The following TMEM183A variants were observed in gnomAD, a reference collection of about 807,000 sequenced individuals.
The protein encoded by TMEM183A is chromosome 1 open reading frame 37.
Under a neutral mutation model 46.7 loss-of-function variants are expected in TMEM183A, and 21 were observed. That is an observed-to-expected ratio of 0.45 (90% CI 0.32 to 0.65). The LOEUF (loss-of-function observed/expected upper bound fraction) is 0.65. TMEM183A is among the 30% of genes least tolerant of loss of function. The pLI, the probability that TMEM183A is intolerant of heterozygous loss-of-function variation, is 0.04. For synonymous variants in TMEM183A, 165 were observed against 180.2 expected (o/e 0.92, Z 0.68); for missense variants, 331 against 481.9 (o/e 0.69, Z 2.93).
intron 7 of TMEM183A, 115 bp from the exon 8 acceptor site, chr1:203,022,740 A>G: frequency 8.3e-7 from 1 of 1,208,434 alleles, no homozygotes; most frequent in Non-Finnish European, 1.2e-6. Flanking sequence ...TATAATTTAG[A>G]GATTAATCTT....
At chr1:203,007,639 G>C (rs949758615) in intron 1 of TMEM183A, 65 bp downstream of exon 1, 2 of 1,527,870 alleles carry the variant, frequency 1.3e-6, no homozygotes, top group Non-Finnish European at 1.8e-6. Context: ...GGGCTGGACC[G>C]TGCCGAGGTG....
Position 203,016,144 on chromosome 1 carries a change from A to T in TMEM183A, c.708+4A>T. ...CAGCACATTAAAGAATTCCAAAGTA[A>T]GTGAGAATTTGTGTTGGGGTTTGAC... On this transcript the variant is annotated splice_donor_region_variant and intron_variant, in intron 5 of 7. Transcript: ENST00000367242. 6.2e-7 allele frequency: 1 copy of T among 1,614,160 alleles called. No homozygotes were observed.
intron 3 of TMEM183A, among the ~76,000 whole-genome samples, chr1:203,010,136 C>T (rs1416507192): frequency 9.3e-6 from 1 of 107,332 alleles, no homozygotes; most frequent in African/African-American, 3.7e-5. Context: ...AAGACTCTGT[C>T]TCAAAAAAAA....
chr1:203,012,502 A>G (rs189729141), intron 3 of TMEM183A, among the ~76,000 whole-genome samples: 1 of 152,194 alleles, frequency 6.6e-6, no homozygotes, highest in Admixed American at 6.5e-5. Context: ...CTCTTAACCT[A>G]TGCCTATCAA....
intron 6 of TMEM183A, 104 bp from the exon 7 acceptor site, chr1:203,020,689 G>GT: frequency 7.2e-7 from 1 of 1,379,980 alleles, no homozygotes; most frequent in Non-Finnish European, 1.0e-6. Flanking sequence ...AGATAAAAGT[G>GT]TATCTCACTA....
chr1:203,013,024 T>C lies in TMEM183A; in HGVS notation c.368-1865T>C, dbSNP rs141209791. Among the ~76,000 whole-genome samples the C allele has an allele frequency of 6.6e-6, 1 of 152,214 alleles. No individual in the cohort carries two copies. The highest frequency in any genetic ancestry group is 1.9e-4 in the East Asian group (1 of 5,206). On this transcript the variant is annotated intron_variant, in intron 3 of 7. Coordinates refer to ENST00000367242, the MANE Select transcript of TMEM183A (RefSeq NM_138391.6). This position sits in a 1 kb window ranked among gnomAD's most constrained non-coding sequence, Gnocchi z 4.0. The stretch of plus-strand genomic sequence containing the variant: ...CATGAGCCACTGCACTCAGCCACAA[T>C]AGAGGAAATTTTAATAGTCGTTTGC...
Position 203,013,043 on chromosome 1 carries a change from C to T in TMEM183A, c.368-1846C>T, listed in dbSNP as rs74341968. ...CCACAATAGAGGAAATTTTAATAGTCGTTTGCCTTCTCTTTCAAAGAGAGA... is the reference window on the plus strand; with the variant it reads ...CCACAATAGAGGAAATTTTAATAGTTGTTTGCCTTCTCTTTCAAAGAGAGA... On this transcript the variant is annotated intron_variant, in intron 3 of 7. Coordinates refer to ENST00000367242, the MANE Select transcript of TMEM183A (RefSeq NM_138391.6). The surrounding 1 kb of genome is among the most constrained non-coding windows in gnomAD (Gnocchi z 4.0). 0.045 allele frequency among the ~76,000 whole-genome samples: 6,913 copies of T among 152,214 alleles called. 233 individuals are homozygous for T. Among genetic ancestry groups the T allele is most frequent in the South Asian group, 0.063 (305 of 4,828 alleles).
At chr1:203,014,250 A>T (rs1656950420) in intron 3 of TMEM183A, among the ~76,000 whole-genome samples, 1 of 152,184 alleles carries the variant, frequency 6.6e-6, no homozygotes, top group Non-Finnish European at 1.5e-5. Context: ...TATTTTTCTT[A>T]TTCCATTGAA....
In TMEM183A at chr1:203,013,259, C is replaced by T. The variant is rs754954911; in HGVS notation, c.368-1630C>T. On this transcript the variant is annotated intron_variant, in intron 3 of 7. Coordinates refer to ENST00000367242, the MANE Select transcript of TMEM183A (RefSeq NM_138391.6). The surrounding 1 kb of genome is among the most constrained non-coding windows in gnomAD (Gnocchi z 4.0). The stretch of plus-strand genomic sequence containing the variant: ...TGTAGGAAGCAGTTAGCTAGAAAAG[C>T]GGGGGCAACTTTGGGGAGATGGTGT... 7.9e-5 allele frequency among the ~76,000 whole-genome samples: 12 copies of T among 152,068 alleles called. No individual in the cohort carries two copies. Among genetic ancestry groups the T allele is most frequent in the South Asian group, 4.1e-4 (2 of 4,820 alleles).
chr1:203,015,482 G>A (rs1486240397), intron 4 of TMEM183A: 2 of 215,514 alleles, frequency 9.3e-6, no homozygotes, highest in African/African-American at 4.7e-5. Flanking sequence ...TTGTAGTGGT[G>A]AGGAGTAGGC....
At chr1:203,016,203 G>A in intron 5 of TMEM183A, 63 bp downstream of exon 5, 1 of 1,608,520 alleles carries the variant, frequency 6.2e-7, no homozygotes, top group Non-Finnish European at 8.5e-7. Flanking sequence ...CTGTTATCAT[G>A]GCTTGTCTCC....
Position 203,007,881 on chromosome 1 carries a change from C to CTTT in TMEM183A, c.199+19_199+21dup, listed in dbSNP as rs1656130344. On this transcript the variant is annotated intron_variant, in intron 2 of 7. Coordinates refer to ENST00000367242, the MANE Select transcript of TMEM183A (RefSeq NM_138391.6). The stretch of plus-strand genomic sequence containing the variant: ...GCAGGAAGGTAAGCTTTGCGCGAGC[C>CTTT]TTTAAAGACTCATGCCGCGAAGACA... 6.2e-7 allele frequency: 1 copy of CTTT among 1,613,548 alleles called. No homozygotes were observed. Among genetic ancestry groups the CTTT allele is most frequent in the Admixed American group, 1.7e-5 (1 of 59,918 alleles).
chr1:203,009,083 A>G (rs541060953), intron 3 of TMEM183A, among the ~76,000 whole-genome samples: 10 of 152,210 alleles, frequency 6.6e-5, no homozygotes, highest in Non-Finnish European at 1.3e-4. Flanking sequence ...CTTCATTGAG[A>G]ACATGTTATT....
rs1419124741 is a variant in TMEM183A at position 203,007,616 on chromosome 1, G to T, written c.109+42G>T. 6 of 1,530,428 alleles carry T rather than the reference G, an allele frequency of 3.9e-6. No homozygotes were observed. The East Asian group carries it at 1.5e-4, about 37-fold the overall frequency. 94.8% of individuals were successfully genotyped at this position (1,530,428 alleles called of 1,614,324 possible). ...GGGGCGCTGAAACATTTTGGGGGCT[G>T]GCGGCTGGGAGGGGGCTGGACCGTG... On this transcript the variant is annotated intron_variant, in intron 1 of 7. Coordinates refer to ENST00000367242, the MANE Select transcript of TMEM183A (RefSeq NM_138391.6).
intron 4 of TMEM183A, 131 bp from the exon 5 acceptor site, chr1:203,015,829 T>G: frequency 8.5e-7 from 1 of 1,177,304 alleles, no homozygotes; most frequent in Non-Finnish European, 1.2e-6. Flanking sequence ...CAAGTAGCAC[T>G]GGGGACAGGC....
At chr1:203,016,799 C>T (rs1044500086) in intron 5 of TMEM183A, among the ~76,000 whole-genome samples, 2 of 152,150 alleles carry the variant, frequency 1.3e-5, no homozygotes, top group Non-Finnish European at 2.9e-5. Flanking sequence ...ATTCAAGTTT[C>T]TGTCATTCTT....
intron 3 of TMEM183A, among the ~76,000 whole-genome samples, chr1:203,012,235 TCACA>T (rs56743654): frequency 0.076 from 6,153 of 80,764 alleles, 247 homozygotes; most frequent in Middle Eastern, 0.092. Flanking sequence ...CCCCACTCCA[TCACA>T]CACACACACA....
At chr1:203,017,424 T>A (rs1421896518) in intron 5 of TMEM183A, among the ~76,000 whole-genome samples, 1 of 152,232 alleles carries the variant, frequency 6.6e-6, no homozygotes, top group Non-Finnish European at 1.5e-5. Flanking sequence ...CAAGTGCTAC[T>A]GCCTAAATTC....
chr1:203,022,702 CAAA>C (rs112434420), intron 7 of TMEM183A, among the ~76,000 whole-genome samples, 150 bp from the exon 8 acceptor site: 3 of 100,558 alleles, frequency 3.0e-5, no homozygotes, highest in Non-Finnish European at 4.3e-5. Flanking sequence ...GGTCCTTTCT[CAAA>C]AAAAAAAAAA....
Sources: allele counts gnomAD v4.1 joint callset (sites outside exome capture counted in the v4.1 genomes callset), GRCh38; gene constraint gnomAD v4.1.1; non-coding constraint Gnocchi (gnomAD v3.1); transcripts MANE v1.5; gene names NCBI Gene and HGNC (gene_info 2026-07-23, HGNC 2026-07-21).